The following EP400 variants were observed in gnomAD, a reference collection of about 807,000 sequenced individuals.
The protein encoded by EP400 is E1A-binding protein p400.
EP400 carries 105 observed loss-of-function variants against 354.1 expected under a neutral mutation model. The observed-to-expected ratio is 0.30, with a 90% CI of 0.25 to 0.35. The LOEUF (loss-of-function observed/expected upper bound fraction) is 0.35. Among genes scored for constraint, EP400 ranks in the 10% least tolerant of loss-of-function variants. EP400 has a pLI of 1.00. For synonymous variants in EP400, 1,646 were observed against 1,716.9 expected, an observed-to-expected ratio of 0.96 and a Z score of 1.02; for missense variants, 3,280 against 4,121.0, an observed-to-expected ratio of 0.80 and a Z score of 5.59.
At chr12:131,979,244 A>G (rs975562430) in intron 2 of EP400, among the ~76,000 whole-genome samples, 1 of 151,916 alleles carries the variant, frequency 6.6e-6, no homozygotes, top group African/African-American at 2.4e-5. Flanking sequence ...AATTAATTAG[A>G]TAGTTATTAA....
At chr12:131,980,459 A>C (rs1892641433) in intron 3 of EP400, among the ~76,000 whole-genome samples, 1 of 152,154 alleles carries the variant, frequency 6.6e-6, no homozygotes, top group Non-Finnish European at 1.5e-5. Context: ...GTCAGTGTTC[A>C]TCTGTTAGTG....
At chr12:132,063,883 G>A (rs187477999) in intron 47 of EP400, among the ~76,000 whole-genome samples, 1 of 152,332 alleles carries the variant, frequency 6.6e-6, no homozygotes, top group East Asian at 1.9e-4. Flanking sequence ...CGTGCCACTG[G>A]ACAGTGCTGA....
chr12:132,049,781 A>G (rs1312338222), intron 39 of EP400, among the ~76,000 whole-genome samples: 1 of 152,234 alleles, frequency 6.6e-6, no homozygotes, highest in Non-Finnish European at 1.5e-5. Flanking sequence ...TCTTGGGAGC[A>G]CATAGCCCAC....
chr12:131,967,289 G>A (rs923985770), intron 2 of EP400, among the ~76,000 whole-genome samples: 11 of 151,812 alleles, frequency 7.2e-5, no homozygotes, highest in Non-Finnish European at 1.6e-4. Context: ...GCTGAGGTAG[G>A]AGAATTGCTT....
intron 19 of EP400, among the ~76,000 whole-genome samples, chr12:132,015,780 C>T (rs1305235884): frequency 1.3e-5 from 2 of 152,170 alleles, no homozygotes; most frequent in Non-Finnish European, 2.9e-5. Context: ...GGTGTGCGCA[C>T]GCCTCGCCCC....
Position 132,077,943 on chromosome 12 carries a change from C to T in EP400, c.*270C>T, listed in dbSNP as rs1456453452. The T allele has an allele frequency of 2.1e-6, 1 of 480,256 alleles. No individual in the cohort carries two copies. The highest frequency in any genetic ancestry group is 3.7e-6 in the Non-Finnish European group (1 of 269,146). 29.7% of individuals were successfully genotyped at this position (480,256 alleles called of 1,614,324 possible). A position where few individuals can be genotyped will look rare whatever the true frequency, so the allele number is the denominator to read the frequency against. ...AATCATTTCACCTTTCAGTCCCCAC[C>T]CGCACCCGTCCCCTAGAGCCATAGT... On this transcript the variant is annotated 3_prime_UTR_variant, in exon 53 of 53. Transcript: ENST00000389561.
rs1302017171 is a variant in EP400, at chr12:132,013,177, A to G, written c.3610A>G (p.Ser1204Gly). 1 of 1,610,936 alleles carries G rather than the reference A, an allele frequency of 6.2e-7. No individual in the cohort carries two copies. Among genetic ancestry groups the G allele is most frequent in the Non-Finnish European group, 8.5e-7 (1 of 1,177,812 alleles). ...CTGGGAAGCGGTTTTCACCCTGCAG[A>G]GGTCTGTGTGTTACGCGCTTGTCAT... ...RHWEAVFTLQ[S>G]QQRLLLIDSP... Residue 1204 changes from serine (S) to glycine (G), a missense_variant and splice_region_variant, in exon 17 of 53, where the codon AGC becomes GGC. Around this residue, in one of 20 missense-constraint regions of EP400, gnomAD observed 242 missense variants for 357.9 expected, o/e 0.68. Coordinates refer to ENST00000389561, the MANE Select transcript of EP400 (RefSeq NM_015409.5). The surrounding 1 kb of genome is among the most constrained non-coding windows in gnomAD (Gnocchi z 4.5).
rs1893830315 is a variant in EP400 at position 132,013,493 on chromosome 12, A to G, written c.3615A>G (p.Gln1205=). Reference sequence around the variant, plus strand: ...TTGTCTCTTGTCCTGTTTGCAGCCAACAACGTCTGCTTCTGATCGACTCGC... The same window carrying G: ...TTGTCTCTTGTCCTGTTTGCAGCCAGCAACGTCTGCTTCTGATCGACTCGC... ...HWEAVFTLQS[Q]QRLLLIDSPL... Residue 1205 remains glutamine, a synonymous_variant, in exon 18 of 53, where the codon CAA becomes CAG. Coordinates refer to ENST00000389561, the MANE Select transcript of EP400 (RefSeq NM_015409.5). This position sits in a 1 kb window ranked among gnomAD's most constrained non-coding sequence, Gnocchi z 4.5. The G allele has an allele frequency of 9.6e-6, 15 of 1,560,862 alleles. No homozygotes were observed. The highest frequency in any genetic ancestry group is 1.1e-5 in the Non-Finnish European group (13 of 1,152,626).
At chr12:131,969,476 T>C (rs1414723953) in intron 2 of EP400, among the ~76,000 whole-genome samples, 2 of 152,032 alleles carry the variant, frequency 1.3e-5, no homozygotes, top group East Asian at 3.9e-4. Flanking sequence ...CTCCTGGTGG[T>C]TCTGTTATTA....
chr12:132,023,830 C>G lies in EP400; in HGVS notation c.4744C>G (p.Arg1582Gly). ...GGCATCCATCACAGGACCACAGAGC[C>G]GCGTGGCTCAGCCAGAGACGCCGGT... ...QLASITGPQS[R>G]VAQPETPVTL... Residue 1582 changes from arginine to glycine, a missense_variant, in exon 24 of 53, where the codon CGC becomes GGC. This residue lies in a region of EP400 where 342 missense variants were observed against 342.7 expected (regional missense o/e 1.00). Transcript: ENST00000389561. 1 of 1,613,880 alleles carries G rather than the reference C, an allele frequency of 6.2e-7. No individual in the cohort carries two copies.
intron 7 of EP400, 118 bp downstream of exon 7, chr12:131,988,008 T>A (rs112282759): frequency 5.5e-6 from 4 of 733,110 alleles, no homozygotes; most frequent in East Asian, 3.5e-5. Flanking sequence ...TTTTTTTTTT[T>A]CCCCCAGACA....
chr12:132,062,762 G>A, intron 47 of EP400, 61 bp downstream of exon 47: 1 of 1,593,540 alleles, frequency 6.3e-7, no homozygotes, highest in Non-Finnish European at 8.6e-7. Context: ...CCCAGCGTCT[G>A]TGAGACGGTG....
chr12:132,024,626 T>C (rs1894235595), intron 24 of EP400, among the ~76,000 whole-genome samples: 1 of 152,198 alleles, frequency 6.6e-6, no homozygotes, highest in South Asian at 2.1e-4. Context: ...TGGGATCATT[T>C]GCTCCCTGTG....
chr12:132,050,831 A>C lies in EP400; in HGVS notation c.7394+176A>C. 1 of 733,968 alleles carries C rather than the reference A, an allele frequency of 1.4e-6. No individual in the cohort carries two copies. Among genetic ancestry groups the C allele is most frequent in the Non-Finnish European group, 2.3e-6 (1 of 432,108 alleles). The allele number at this position is 733,968 out of a possible 1,614,324, so 45.5% of individuals were successfully genotyped here. A position where few individuals can be genotyped will look rare whatever the true frequency, so the allele number is the denominator to read the frequency against. On this transcript the variant is annotated intron_variant, in intron 41 of 52. Transcript: ENST00000389561. This position sits in a 1 kb window ranked among gnomAD's most constrained non-coding sequence, Gnocchi z 4.8. ...TGCTTTTCCTGCCGTGGGCTAGGGT[A>C]TGCATAGGACGGCCCCTGCCCTGTC...
chr12:131,968,062 TCTCTTAAGA>T lies in EP400; in HGVS notation c.1335+6111_1335+6119del, dbSNP rs1892162258. On this transcript the variant is annotated intron_variant, in intron 2 of 52. Coordinates refer to ENST00000389561, the MANE Select transcript of EP400 (RefSeq NM_015409.5). ...TCCTGTCTTTGGCTTGTTTTTTTCT[TCTCTTAAGA>T]CTATCTTTTTCAGAACAAAAGTTTT... Among the ~76,000 whole-genome samples, 11 of 152,342 alleles carry T rather than the reference TCTCTTAAGA, an allele frequency of 7.2e-5. 1 individual carries two copies. The South Asian group carries it at 2.3e-3, about 32-fold the overall frequency.
In EP400 at chr12:132,062,622, C is replaced by A; in HGVS notation, c.8255C>A (p.Thr2752Asn). 1 of 1,611,590 alleles carries A rather than the reference C, an allele frequency of 6.2e-7. No individual in the cohort carries two copies. ...CAGCAGCAGCAACAGACGACGACGA[C>A]CTCTCAGGTGCAAGTTCCACAGATC... ...QQQQQQQTTT[T>N]SQVQVPQIQG... Residue 2752 changes from threonine (T) to asparagine (N), a missense_variant, in exon 47 of 53, where the codon ACC becomes AAC. Around this residue, in one of 20 missense-constraint regions of EP400, gnomAD observed 47 missense variants for 55.6 expected, o/e 0.85. Coordinates refer to ENST00000389561, the MANE Select transcript of EP400 (RefSeq NM_015409.5).
At position 132,079,721 on chromosome 12, in the gene EP400, G is replaced by A. The variant is rs1048077830; in HGVS notation, c.*2048G>A. ...GAGCTTAATGGGATTCTGAATATTT[G>A]CAATGTGGAGTTTCCGCCCCGATCT... On this transcript the variant is annotated 3_prime_UTR_variant, in exon 53 of 53. Coordinates refer to ENST00000389561, the MANE Select transcript of EP400 (RefSeq NM_015409.5). 20 of 152,332 alleles carry A rather than the reference G, an allele frequency of 1.3e-4. No individual in the cohort carries two copies. Among genetic ancestry groups the A allele is most frequent in the Non-Finnish European group, 2.6e-4 (18 of 68,028 alleles). 9.4% of individuals were successfully genotyped at this position (152,332 alleles called of 1,614,324 possible). A position where few individuals can be genotyped will look rare whatever the true frequency, so the allele number is the denominator to read the frequency against.
chr12:131,977,721 T>A (rs559058749), intron 2 of EP400, among the ~76,000 whole-genome samples: 31 of 152,282 alleles, frequency 2.0e-4, no homozygotes, highest in African/African-American at 7.5e-4. Flanking sequence ...CCCTTTCATC[T>A]TCTTTCCTTT....
chr12:132,063,970 C>A (rs944908517), intron 47 of EP400, among the ~76,000 whole-genome samples: 1 of 151,234 alleles, frequency 6.6e-6, no homozygotes, highest in Non-Finnish European at 1.5e-5. Flanking sequence ...TTTGACCCCC[C>A]CGGCCCACAG....
Sources: gnomAD v4.1 joint callset for allele counts (sites outside exome capture counted in the v4.1 genomes callset) on GRCh38, gnomAD v4.1.1 for gene constraint, gnomAD v4.1.1 regional missense constraint, Gnocchi (gnomAD v3.1) non-coding constraint, MANE v1.5 for transcripts, NCBI Gene and HGNC (gene_info 2026-07-23, HGNC 2026-07-21) for gene names.